The following KAZN variants were observed in gnomAD, a reference collection of about 807,000 sequenced individuals.
The protein encoded by KAZN is kazrin, periplakin interacting protein, also known as kazrin.
Under a neutral mutation model 87.4 loss-of-function variants are expected in KAZN, and 40 were observed. That is an observed-to-expected ratio of 0.46 (90% CI 0.36 to 0.60). KAZN has a LOEUF of 0.60. Among genes scored for constraint, KAZN ranks in the 20% least tolerant of loss-of-function variants. The probability of loss-of-function intolerance (pLI) is 0.00; values close to 1 mark genes in which losing one functional copy is unlikely to be tolerated. For synonymous variants in KAZN, 466 were observed against 458.3 expected, an observed-to-expected ratio of 1.02 and a Z score of -0.22; for missense variants, 898 against 1,073.9, an observed-to-expected ratio of 0.84 and a Z score of 2.29.
chr1:14,049,563 T>G (rs901957444), intron 1 of KAZN, among the ~76,000 whole-genome samples: 1 of 152,134 alleles, frequency 6.6e-6, no homozygotes, highest in Non-Finnish European at 1.5e-5. Flanking sequence ...AGGTCACCTA[T>G]CATCACCAGG....
intron 2 of KAZN, among the ~76,000 whole-genome samples, chr1:14,288,862 A>G (rs935044005): frequency 6.6e-6 from 1 of 152,204 alleles, no homozygotes; most frequent in African/African-American, 2.4e-5. Context: ...AATGTGTCCC[A>G]GAGATTCTGG....
intron 1 of KAZN, among the ~76,000 whole-genome samples, chr1:13,981,823 A>G (rs1371598212): frequency 3.9e-5 from 6 of 152,136 alleles, no homozygotes; most frequent in Non-Finnish European, 8.8e-5. Flanking sequence ...GCTTTTACAG[A>G]CCCTAGAAGA....
intron 1 of KAZN, among the ~76,000 whole-genome samples, chr1:14,840,595 G>A (rs964339425): frequency 7.2e-5 from 11 of 152,220 alleles, no homozygotes; most frequent in Non-Finnish European, 1.2e-4. Flanking sequence ...TCTGAACTGT[G>A]CTAAGTAAGG....
At chr1:14,125,842 A>G (rs74391512) in intron 1 of KAZN, among the ~76,000 whole-genome samples, 5,082 of 151,942 alleles carry the variant, frequency 0.033, 131 homozygotes, top group Middle Eastern at 0.078. Flanking sequence ...AACAAGGTTC[A>G]GGGCAGATTT....
chr1:14,127,822 G>A (rs1317155920), intron 1 of KAZN, among the ~76,000 whole-genome samples: 1 of 152,154 alleles, frequency 6.6e-6, no homozygotes, highest in Non-Finnish European at 1.5e-5. Flanking sequence ...GGGACACCCT[G>A]GCAGAGAGGA....
At chr1:14,190,841 A>G (rs1458841382) in intron 2 of KAZN, among the ~76,000 whole-genome samples, 2 of 152,260 alleles carry the variant, frequency 1.3e-5, no homozygotes, top group East Asian at 3.9e-4. Context: ...CCAGAACAGC[A>G]TAACCACTAA....
At chr1:14,757,973 G>A (rs892323289) in intron 1 of KAZN, among the ~76,000 whole-genome samples, 6 of 152,196 alleles carry the variant, frequency 3.9e-5, no homozygotes, top group African/African-American at 1.2e-4. Flanking sequence ...GGGATGTGTG[G>A]CAGGCTGAAT....
At chr1:14,997,011 T>TC (rs1557698752) in intron 2 of KAZN, among the ~76,000 whole-genome samples, 2 of 151,782 alleles carry the variant, frequency 1.3e-5, no homozygotes, top group African/African-American at 4.8e-5. Flanking sequence ...GTGCTTTTTT[T>TC]CCCCAGCATT....
intron 2 of KAZN, among the ~76,000 whole-genome samples, chr1:14,496,985 C>T (rs989002558): frequency 1.3e-5 from 2 of 152,158 alleles, no homozygotes; most frequent in Non-Finnish European, 2.9e-5. Flanking sequence ...TGGATCTTTA[C>T]CATTCTTTTT....
In KAZN at chr1:15,066,185, C is replaced by G. The variant is rs1339392608; in HGVS notation, c.1222+432C>G. ...TTTCCCCCTTTCTCCTCCCCTCCTC[C>G]TTTTTATGAAACTTGAAAACTTGAA... On this transcript the variant is annotated intron_variant, in intron 8 of 14. Transcript: ENST00000376030. The surrounding 1 kb of genome is among the most constrained non-coding windows in gnomAD (Gnocchi z 4.3). 4.0e-6 allele frequency: 4 copies of G among 1,001,922 alleles called. 1 individual carries two copies. The highest frequency in any genetic ancestry group is 4.8e-6 in the Non-Finnish European group (4 of 841,298). 62.1% of individuals were successfully genotyped at this position (1,001,922 alleles called of 1,614,324 possible). A position where few individuals can be genotyped will look rare whatever the true frequency, so the allele number is the denominator to read the frequency against.
At chr1:14,189,745 A>G (rs1646385069) in intron 2 of KAZN, among the ~76,000 whole-genome samples, 1 of 152,212 alleles carries the variant, frequency 6.6e-6, no homozygotes, top group Non-Finnish European at 1.5e-5. Context: ...AGCAAGTCGC[A>G]TCACCGAGGC....
chr1:15,060,271 C>T lies in KAZN; in HGVS notation c.1016C>T (p.Ser339Phe). The T allele has an allele frequency of 6.2e-7, 1 of 1,614,224 alleles. No homozygotes were observed. Among genetic ancestry groups the T allele is most frequent in the Non-Finnish European group, 8.5e-7 (1 of 1,180,030 alleles). ...TCGTCCACACCGAGCGACATCAACT[C>T]CCCTCGACACCGGACACACTCCCTC... ...DRSSTPSDIN[S>F]PRHRTHSLCN... The change falls in exon 6 of 15, where the codon TCC (serine) becomes TTC (phenylalanine). Residue 339 changes from serine to phenylalanine, a missense_variant. Coordinates refer to ENST00000376030, the MANE Select transcript of KAZN (RefSeq NM_201628.3).
chr1:14,339,812 C>T (rs1321280612), intron 2 of KAZN, among the ~76,000 whole-genome samples: 3 of 152,160 alleles, frequency 2.0e-5, no homozygotes, highest in Admixed American at 2.0e-4. Flanking sequence ...TGAGCTAGTC[C>T]AGTTGACACA....
intron 2 of KAZN, among the ~76,000 whole-genome samples, chr1:14,592,773 T>C (rs867830854): frequency 6.6e-6 from 1 of 152,274 alleles, no homozygotes; most frequent in Middle Eastern, 3.4e-3. Flanking sequence ...GACTCCAGGG[T>C]CAAGAAGTTC....
Position 14,501,128 on chromosome 1 carries a change from TAAAA to T in KAZN, c.250-97853_250-97850del, listed in dbSNP as rs869081503. Among the ~76,000 whole-genome samples the T allele has an allele frequency of 4.9e-5, 6 of 121,870 alleles. No homozygotes were observed. In the South Asian group the frequency reaches 8.3e-4, roughly 17 times the overall value. The allele number at this position is 121,870 out of a possible 152,430, so 80.0% of individuals were successfully genotyped here. A position where few individuals can be genotyped will look rare whatever the true frequency, so the allele number is the denominator to read the frequency against. On this transcript the variant is annotated intron_variant, in intron 2 of 16. Coordinates refer to the KAZN transcript ENST00000636203. The stretch of plus-strand genomic sequence containing the variant: ...ATAAATAAATAAATAAATAAATAAA[TAAAA>T]ATAATAATAAAAGCCCACAATTAAC...
At chr1:13,951,534 G>A (rs77856133) in intron 1 of KAZN, among the ~76,000 whole-genome samples, 2,690 of 152,058 alleles carry the variant, frequency 0.018, 38 homozygotes, top group South Asian at 0.041. Context: ...GATGACTCAC[G>A]TGGTCTTACA....
chr1:14,563,095 G>A (rs923255834), intron 2 of KAZN, among the ~76,000 whole-genome samples: 2 of 152,210 alleles, frequency 1.3e-5, no homozygotes, highest in African/African-American at 4.8e-5. Context: ...AAGAGTCAGA[G>A]GAGGCTGCTC....
intron 2 of KAZN, among the ~76,000 whole-genome samples, chr1:14,231,507 TAGAA>T (rs927263828): frequency 1.3e-5 from 2 of 152,292 alleles, no homozygotes; most frequent in African/African-American, 4.8e-5. Flanking sequence ...AATGGTGTGT[TAGAA>T]AGAGCCAATG....
In KAZN at chr1:14,611,492, G is replaced by A. The variant is rs747212633; in HGVS notation, c.226+12269G>A. On this transcript the variant is annotated intron_variant, in intron 1 of 14. Coordinates refer to ENST00000376030, the MANE Select transcript of KAZN (RefSeq NM_201628.3). ...GCTTGAGCCCAGGAGTTCAAGATCA[G>A]CCTGGCCAGTATAGTGAGACGCTAT... Among the ~76,000 whole-genome samples, 3 of 152,068 alleles carry A rather than the reference G, an allele frequency of 2.0e-5. 1 individual carries two copies. The highest frequency in any genetic ancestry group is 4.4e-5 in the Non-Finnish European group (3 of 68,012).
Sources: gnomAD v4.1 joint callset for allele counts (sites outside exome capture counted in the v4.1 genomes callset) on GRCh38, gnomAD v4.1.1 for gene constraint, Gnocchi (gnomAD v3.1) non-coding constraint, MANE v1.5 for transcripts, NCBI Gene and HGNC (gene_info 2026-07-23, HGNC 2026-07-21) for gene names.